SKIC3: variants seen among roughly 807,000 people sequenced by gnomAD.
SKIC3 encodes the protein SKI3 subunit of superkiller complex, also known as superkiller complex protein 3.
the SKIC3 span, chr5:95,467,833 C>T: frequency 6.2e-7 from 1 of 1,612,246 alleles, no homozygotes; most frequent in Non-Finnish European, 8.5e-7. Flanking sequence ...AAAATCAATG[C>T]CTCAAACATT....
chr5:95,464,601 C>T, the SKIC3 span: 1 of 1,605,770 alleles, frequency 6.2e-7, no homozygotes, highest in Non-Finnish European at 8.5e-7. Context: ...ATAAAATAAT[C>T]CAATGTTATT....
the SKIC3 span, chr5:95,484,887 A>T: frequency 6.2e-7 from 1 of 1,605,106 alleles, no homozygotes; most frequent in East Asian, 2.2e-5. Flanking sequence ...TCTGCAATTT[A>T]TAATGTGTTC....
the SKIC3 span, chr5:95,470,027 A>T: frequency 1.4e-5 from 18 of 1,250,008 alleles, no homozygotes; most frequent in Non-Finnish European, 1.4e-5. Context: ...CCCAGCCTGG[A>T]GTGCAGTGGC....
the SKIC3 span, chr5:95,482,702 T>A: frequency 1.3e-6 from 2 of 1,560,242 alleles, no homozygotes; most frequent in Non-Finnish European, 1.8e-6. Context: ...AGCATTATTC[T>A]CCAAGTTGGG....
chr5:95,518,889 G>A, the SKIC3 span, among the ~76,000 whole-genome samples: 6 of 151,914 alleles, frequency 3.9e-5, no homozygotes, highest in African/African-American at 1.5e-4. Flanking sequence ...ACTCCATACT[G>A]TTCTCCACAG....
the SKIC3 span, chr5:95,513,210 C>A: frequency 4.4e-6 from 1 of 225,168 alleles, no homozygotes; most frequent in Non-Finnish European, 8.9e-6. Flanking sequence ...TATTCATTTT[C>A]TTTTTCCTTT....
the SKIC3 span, among the ~76,000 whole-genome samples, chr5:95,481,470 C>A: frequency 1.3e-5 from 2 of 152,106 alleles, no homozygotes; most frequent in Non-Finnish European, 2.9e-5. Flanking sequence ...GTAAATTGCC[C>A]AGTCTCAGGT....
the SKIC3 span, chr5:95,464,744 T>A: frequency 7.2e-7 from 1 of 1,385,774 alleles, no homozygotes; most frequent in Non-Finnish European, 1.0e-6. Flanking sequence ...ATATTTTGAT[T>A]CATTGAAGCC....
chr5:95,530,470 C>A, the SKIC3 span, among the ~76,000 whole-genome samples: 1 of 152,124 alleles, frequency 6.6e-6, no homozygotes, highest in Non-Finnish European at 1.5e-5. Flanking sequence ...GGATTTCAGA[C>A]AAGAAACCTG....
chr5:95,464,421 A>T, the SKIC3 span: 2 of 516,764 alleles, frequency 3.9e-6, no homozygotes, highest in Non-Finnish European at 6.8e-6. Context: ...TTTTTTTTTC[A>T]GATTAAAATC....
the SKIC3 span, chr5:95,543,187 C>T: frequency 1.2e-6 from 2 of 1,613,870 alleles, no homozygotes; most frequent in South Asian, 1.1e-5. Flanking sequence ...TACATACCTG[C>T]CAAGCTAGTA....
chr5:95,522,204 A>G, the SKIC3 span: 1 of 1,613,896 alleles, frequency 6.2e-7, no homozygotes, highest in South Asian at 1.1e-5. Flanking sequence ...GCTTTTGTGA[A>G]GGACTTCAAG....
At chr5:95,480,319 CA>C in the SKIC3 span, among the ~76,000 whole-genome samples, 298 of 151,758 alleles carry the variant, frequency 2.0e-3, no homozygotes, top group Middle Eastern at 6.8e-3. Flanking sequence ...TAAAAATATC[CA>C]AAAATGTGCT....
the SKIC3 span, among the ~76,000 whole-genome samples, chr5:95,552,059 C>T: frequency 5.3e-5 from 8 of 152,190 alleles, no homozygotes; most frequent in Non-Finnish European, 7.3e-5. Context: ...CCTATACAAA[C>T]GGCCCCTGAC....
the SKIC3 span, among the ~76,000 whole-genome samples, chr5:95,493,902 A>C: frequency 6.6e-6 from 1 of 152,148 alleles, no homozygotes; most frequent in Non-Finnish European, 1.5e-5. Context: ...AGTAGTGGTG[A>C]TGGAACACGC....
At chr5:95,508,764 T>A in the SKIC3 span, among the ~76,000 whole-genome samples, 1 of 152,250 alleles carries the variant, frequency 6.6e-6, no homozygotes, top group Non-Finnish European at 1.5e-5. Context: ...TTGTCTTTTT[T>A]AATTTACTGC....
chr5:95,499,307 G>A, the SKIC3 span, among the ~76,000 whole-genome samples: 1 of 152,108 alleles, frequency 6.6e-6, no homozygotes, highest in Non-Finnish European at 1.5e-5. Flanking sequence ...GAATTCTCAC[G>A]TGATCTGGTT....
At chr5:95,536,769 C>G in the SKIC3 span, 1 of 1,444,810 alleles carries the variant, frequency 6.9e-7, no homozygotes, top group South Asian at 1.1e-5. Context: ...ACATCACTCA[C>G]ATAATCACAC....
chr5:95,473,326 G>A, the SKIC3 span, among the ~76,000 whole-genome samples: 7 of 149,268 alleles, frequency 4.7e-5, no homozygotes, highest in East Asian at 2.0e-4. Flanking sequence ...TCTGTGGCCC[G>A]GGAGAGAGTG....
Sources: allele counts gnomAD v4.1 joint callset (sites outside exome capture counted in the v4.1 genomes callset), GRCh38; gene constraint gnomAD v4.1.1; transcripts MANE v1.5; gene names NCBI Gene and HGNC (gene_info 2026-07-23, HGNC 2026-07-21).